Variants in INSL6 observed in about 807,000 individuals in gnomAD.
INSL6 encodes insulin like 6.
INSL6 carries 16 observed loss-of-function variants against 9.4 expected under a neutral mutation model. The observed-to-expected ratio is 1.70, with a 90% CI of 1.15 to 2.59. The LOEUF (loss-of-function observed/expected upper bound fraction) is 2.59. Ranked by LOEUF, INSL6 falls within the 30% of genes most tolerant of loss-of-function variation. INSL6 has a pLI of 0.00. For missense variants in INSL6, 391 were observed against 257.3 expected (o/e 1.52, Z -3.56); for synonymous variants, 154 against 96.9 (o/e 1.59, Z -3.46).
At chr9:5,078,677 C>G in the INSL6 span, among the ~76,000 whole-genome samples, 6 of 152,184 alleles carry the variant, frequency 3.9e-5, no homozygotes, top group African/African-American at 1.4e-4. Flanking sequence ...GTTTTAATCT[C>G]TAATTATGTA....
chr9:5,033,753 A>G, the INSL6 span, among the ~76,000 whole-genome samples: 1 of 152,228 alleles, frequency 6.6e-6, no homozygotes, highest in South Asian at 2.1e-4. Flanking sequence ...CTAAACATAG[A>G]AAGGAACAAC....
chr9:5,174,118 C>T (rs1214583682), intron 1 of INSL6, among the ~76,000 whole-genome samples: 1 of 152,196 alleles, frequency 6.6e-6, no homozygotes, highest in Non-Finnish European at 1.5e-5. Context: ...TCCTTCTCCG[C>T]ATTCTTCATC....
chr9:4,999,459 A>G, the INSL6 span, among the ~76,000 whole-genome samples: 1 of 152,218 alleles, frequency 6.6e-6, no homozygotes, highest in African/African-American at 2.4e-5. Flanking sequence ...AGGGGCAAAA[A>G]AGATTACAAA....
the INSL6 span, chr9:5,114,140 C>A: frequency 2.5e-6 from 1 of 394,172 alleles, no homozygotes; most frequent in South Asian, 2.4e-5. Flanking sequence ...AAGGTAACAC[C>A]TTTGAGGACA....
At chr9:5,110,001 A>G in the INSL6 span, 2 of 152,300 alleles carry the variant, frequency 1.3e-5, no homozygotes, top group South Asian at 4.1e-4. Context: ...CATCGGCGAC[A>G]TTGGTTTTAT....
intron 2 of INSL6, among the ~76,000 whole-genome samples, chr9:5,142,332 T>C (rs368746279): frequency 6.6e-6 from 1 of 152,218 alleles, no homozygotes; most frequent in African/African-American, 2.4e-5. Context: ...ATATTGATTC[T>C]TCCTATCCAT....
chr9:5,161,980 G>A (rs1586869640), downstream of INSL6, among the ~76,000 whole-genome samples: 1 of 151,760 alleles, frequency 6.6e-6, no homozygotes, highest in East Asian at 1.9e-4. Context: ...TCAGGAGGCT[G>A]AGGTGGGAGG....
At chr9:5,001,051 A>G in the INSL6 span, among the ~76,000 whole-genome samples, 1 of 152,202 alleles carries the variant, frequency 6.6e-6, no homozygotes, top group Non-Finnish European at 1.5e-5. Context: ...TTATTTTGTG[A>G]TGTATCCTGT....
At chr9:5,150,753 T>C (rs993817147) in intron 2 of INSL6, among the ~76,000 whole-genome samples, 4 of 151,950 alleles carry the variant, frequency 2.6e-5, no homozygotes, top group Admixed American at 2.6e-4. Context: ...AGCAAAAAGA[T>C]ACCTGTATTT....
the INSL6 span, among the ~76,000 whole-genome samples, chr9:5,062,170 C>T: frequency 6.6e-6 from 1 of 151,848 alleles, no homozygotes; most frequent in African/African-American, 2.4e-5. Flanking sequence ...ATATAGTATT[C>T]ACAGGATGCA....
the INSL6 span, among the ~76,000 whole-genome samples, chr9:5,033,816 G>C: frequency 6.6e-6 from 1 of 152,176 alleles, no homozygotes; most frequent in Admixed American, 6.5e-5. Flanking sequence ...TCGAGGCTAG[G>C]AAGAAACTGC....
chr9:5,106,729 G>A, the INSL6 span, among the ~76,000 whole-genome samples: 2 of 152,084 alleles, frequency 1.3e-5, no homozygotes, highest in African/African-American at 2.4e-5. Context: ...ATAAACAAGG[G>A]TGAGTTCATG....
chr9:5,086,871 C>T, the INSL6 span, among the ~76,000 whole-genome samples: 6 of 152,158 alleles, frequency 3.9e-5, no homozygotes, highest in Non-Finnish European at 5.9e-5. Flanking sequence ...TTGTATCAAG[C>T]GCGTTTAAAT....
At chr9:5,062,403 A>G in the INSL6 span, among the ~76,000 whole-genome samples, 2 of 151,680 alleles carry the variant, frequency 1.3e-5, no homozygotes, top group South Asian at 4.2e-4. Context: ...AAAATTACCA[A>G]AACATGACAC....
At chr9:5,024,330 T>G in the INSL6 span, among the ~76,000 whole-genome samples, 1 of 152,210 alleles carries the variant, frequency 6.6e-6, no homozygotes, top group East Asian at 1.9e-4. Flanking sequence ...TAAGATTTTT[T>G]TTTGACAGAT....
intron 1 of INSL6, 149 bp from the exon 2 acceptor site, chr9:5,164,414 A>G (rs1412940693): frequency 1.3e-5 from 8 of 608,426 alleles, no homozygotes; most frequent in African/African-American, 1.1e-4. Context: ...TTCAAAAGCA[A>G]TATTTAACTA....
the INSL6 span, among the ~76,000 whole-genome samples, chr9:5,012,862 T>G: frequency 6.6e-6 from 1 of 152,170 alleles, no homozygotes; most frequent in South Asian, 2.1e-4. Flanking sequence ...AATATGAGGG[T>G]GGCTCCTGTG....
chr9:5,084,629 G>A, the INSL6 span, among the ~76,000 whole-genome samples: 2 of 152,070 alleles, frequency 1.3e-5, no homozygotes, highest in African/African-American at 4.8e-5. Context: ...GAAATCTAGA[G>A]TGTTTTTTGC....
the INSL6 span, among the ~76,000 whole-genome samples, chr9:5,035,546 G>A: frequency 6.6e-6 from 1 of 152,144 alleles, no homozygotes; most frequent in Non-Finnish European, 1.5e-5. Context: ...TGATCAAGTG[G>A]GCTTCATGCC....
Sources: allele counts gnomAD v4.1 joint callset (sites outside exome capture counted in the v4.1 genomes callset), GRCh38; gene constraint gnomAD v4.1.1; transcripts MANE v1.5; gene names NCBI Gene and HGNC (gene_info 2026-07-23, HGNC 2026-07-21).